Variants in TASP1 observed in about 807,000 individuals in gnomAD.
The protein encoded by TASP1 is threonine aspartase 1.
In TASP1, 16 loss-of-function variants were observed where a neutral mutation model predicts 56.6. That is an observed-to-expected ratio of 0.28 (90% CI 0.19 to 0.43). The LOEUF (loss-of-function observed/expected upper bound fraction) is 0.43, where lower values mean the gene tolerates loss of function less well. TASP1 is among the 20% of genes least tolerant of loss of function. The pLI, the probability that TASP1 is intolerant of heterozygous loss-of-function variation, is 1.00. For synonymous variants in TASP1, 179 were observed against 184.2 expected (o/e 0.97, Z 0.23); for missense variants, 393 against 511.6 (o/e 0.77, Z 2.24).
At chr20:13,625,952 C>T (rs1305529311) in intron 2 of TASP1, among the ~76,000 whole-genome samples, 1 of 152,184 alleles carries the variant, frequency 6.6e-6, no homozygotes, top group East Asian at 1.9e-4. Context: ...TACAAGGATA[C>T]ATAACTTGCT....
the TASP1 span, among the ~76,000 whole-genome samples, chr20:13,290,552 G>A: frequency 3.3e-5 from 5 of 152,300 alleles, no homozygotes; most frequent in African/African-American, 7.2e-5. Flanking sequence ...GGGAGGCTGA[G>A]GCAGGAGAAT....
chr20:13,431,827 TAAG>T (rs955414237), intron 12 of TASP1, among the ~76,000 whole-genome samples: 6 of 152,116 alleles, frequency 3.9e-5, no homozygotes, highest in Non-Finnish European at 7.4e-5. Flanking sequence ...GGTGGTTTTA[TAAG>T]AAGATGAAGA....
chr20:13,331,682 T>TC, the TASP1 span, among the ~76,000 whole-genome samples: 291 of 151,366 alleles, frequency 1.9e-3, 2 homozygotes, highest in Middle Eastern at 0.014. Flanking sequence ...GCTTTTTTTT[T>TC]TTTTTTCTGT....
intron 6 of TASP1, among the ~76,000 whole-genome samples, chr20:13,578,897 C>A (rs1436398456): frequency 1.3e-5 from 2 of 152,218 alleles, no homozygotes; most frequent in Non-Finnish European, 1.5e-5. Context: ...ACTCTTTCAT[C>A]TGTTTTACAA....
chr20:13,387,160 T>C (rs1600646915), downstream of TASP1, among the ~76,000 whole-genome samples: 1 of 151,546 alleles, frequency 6.6e-6, no homozygotes, highest in Admixed American at 6.6e-5. Context: ...GTTCCATTCA[T>C]GTTGCCAGAG....
At chr20:13,257,677 T>C in the TASP1 span, among the ~76,000 whole-genome samples, 1 of 151,710 alleles carries the variant, frequency 6.6e-6, no homozygotes, top group East Asian at 1.9e-4. Flanking sequence ...AAAGCAGTGT[T>C]GGGGTGGACT....
chr20:13,236,341 T>G, the TASP1 span, among the ~76,000 whole-genome samples: 329 of 152,284 alleles, frequency 2.2e-3, 5 homozygotes, highest in Middle Eastern at 0.01. Flanking sequence ...ATTCATTGAG[T>G]TAGCATGGGA....
chr20:13,547,978 A>G (rs1283556462), intron 8 of TASP1, among the ~76,000 whole-genome samples: 2 of 152,136 alleles, frequency 1.3e-5, no homozygotes, highest in Admixed American at 1.3e-4. Context: ...GGAGCAGCAC[A>G]ATAGCTTAAA....
the TASP1 span, among the ~76,000 whole-genome samples, chr20:13,228,090 A>C: frequency 6.7e-6 from 1 of 150,040 alleles, no homozygotes; most frequent in Non-Finnish European, 1.5e-5. Context: ...CTCGTGCCTC[A>C]GCCTCCCAAA....
chr20:13,448,421 C>T (rs771199831), intron 11 of TASP1, among the ~76,000 whole-genome samples: 22 of 152,042 alleles, frequency 1.4e-4, no homozygotes, highest in Non-Finnish European at 2.9e-4. Flanking sequence ...TAAACATCAG[C>T]TTGACAAATA....
chr20:13,299,963 A>C, the TASP1 span: 1 of 152,624 alleles, frequency 6.6e-6, no homozygotes, highest in Non-Finnish European at 1.5e-5. The surrounding 1 kb of genome is among the most constrained non-coding windows in gnomAD (Gnocchi z 5.8). Flanking sequence ...TGGAAGAGAA[A>C]GGGAATTTTG....
At chr20:13,393,764 C>T (rs996282469) in intron 13 of TASP1, 2 of 641,950 alleles carry the variant, frequency 3.1e-6, no homozygotes, top group Non-Finnish European at 5.6e-6. Flanking sequence ...CAGTCCCCTA[C>T]CACACTGAGA....
intron 6 of TASP1, among the ~76,000 whole-genome samples, chr20:13,580,250 G>A (rs1159359469): frequency 6.6e-6 from 1 of 152,068 alleles, no homozygotes; most frequent in Non-Finnish European, 1.5e-5. Flanking sequence ...AGTTTGAGAT[G>A]AGCCTGGGCA....
chr20:13,240,424 C>G, the TASP1 span, among the ~76,000 whole-genome samples: 6 of 152,236 alleles, frequency 3.9e-5, no homozygotes, highest in South Asian at 1.0e-3. Flanking sequence ...ATAAAAGGAC[C>G]AGCTCTGCAA....
At chr20:13,134,679 AAAG>A in the TASP1 span, among the ~76,000 whole-genome samples, 1 of 152,208 alleles carries the variant, frequency 6.6e-6, no homozygotes. Flanking sequence ...ACGTAACAGA[AAAG>A]AAACAGATCT....
the TASP1 span, among the ~76,000 whole-genome samples, chr20:13,254,351 G>A: frequency 1.8e-4 from 27 of 152,186 alleles, no homozygotes; most frequent in Admixed American, 9.2e-4. Context: ...ATAAACAGAT[G>A]TATATACAAA....
At chr20:13,499,055 G>C (rs895554948) in intron 10 of TASP1, among the ~76,000 whole-genome samples, 3 of 152,136 alleles carry the variant, frequency 2.0e-5, no homozygotes, top group African/African-American at 7.2e-5. Flanking sequence ...CAAAGACATA[G>C]AATCAACCGA....
chr20:13,329,396 A>G, the TASP1 span, among the ~76,000 whole-genome samples: 1 of 152,198 alleles, frequency 6.6e-6, no homozygotes, highest in African/African-American at 2.4e-5. Flanking sequence ...CTACGAATCA[A>G]AGAAAAAGCC....
chr20:13,360,794 G>T, the TASP1 span, among the ~76,000 whole-genome samples: 2 of 152,270 alleles, frequency 1.3e-5, no homozygotes, highest in South Asian at 2.1e-4. Context: ...TCCTGGCCCA[G>T]ACTTCAATCC....
Sources: gnomAD v4.1 joint callset for allele counts (sites outside exome capture counted in the v4.1 genomes callset) on GRCh38, gnomAD v4.1.1 for gene constraint, Gnocchi (gnomAD v3.1) non-coding constraint, MANE v1.5 for transcripts, NCBI Gene and HGNC (gene_info 2026-07-23, HGNC 2026-07-21) for gene names.